Variants in GALNT9 observed in about 807,000 individuals in gnomAD.
The protein encoded by GALNT9 is GalNAc transferase 9.
A neutral mutation model predicts 63.1 loss-of-function variants in GALNT9; 47 were observed. That is an observed-to-expected ratio of 0.75 (90% CI 0.59 to 0.95). The LOEUF (loss-of-function observed/expected upper bound fraction) is 0.95, where lower values mean the gene tolerates loss of function less well. GALNT9 is among the 40% of genes least tolerant of loss of function. The pLI, the probability that GALNT9 is intolerant of heterozygous loss-of-function variation, is 0.00. For synonymous variants in GALNT9, 396 were observed against 365.7 expected, an observed-to-expected ratio of 1.08 and a Z score of -0.94; for missense variants, 829 against 874.8, an observed-to-expected ratio of 0.95 and a Z score of 0.66.
intron 4 of GALNT9, 52 bp downstream of exon 4, chr12:132,260,883 CTTAGGAGGGGGAT>C (rs1879350448): frequency 6.9e-7 from 1 of 1,453,540 alleles, no homozygotes; most frequent in Non-Finnish European, 9.0e-7. Flanking sequence ...CGCACGGCGG[CTTAGGAGGGGGAT>C]GGTGGAGGGG....
At chr12:132,283,749 A>ACC (rs56355321) in intron 2 of GALNT9, 3,662 of 134,566 alleles carry the variant, frequency 0.027, 97 homozygotes, top group African/African-American at 0.082. Flanking sequence ...AGTCCATGGG[A>ACC]CCCCCCCCCA....
At position 132,328,994 on chromosome 12, in the gene GALNT9, C is replaced by T. The variant is rs1555246718; in HGVS notation, c.210G>A (p.Leu70=). The T allele has an allele frequency of 6.5e-7, 1 of 1,540,808 alleles. No individual in the cohort carries two copies. The highest frequency in any genetic ancestry group is 2.5e-5 in the East Asian group (1 of 40,742). The change falls in exon 1 of 11, where the codon CTG becomes CTA. Residue 70 remains leucine, a synonymous_variant. Coordinates refer to ENST00000328957, the MANE Select transcript of GALNT9 (RefSeq NM_001122636.2). Reference sequence around the variant, plus strand: ...TGAGCTGGTTGTAGACCACCTCCTCCAGGTGGTCCAGGCGCTGCAGGATGG... The same window carrying T: ...TGAGCTGGTTGTAGACCACCTCCTCTAGGTGGTCCAGGCGCTGCAGGATGG... The part of the protein sequence containing the change: ...REAILQRLDH[L]EEVVYNQLNG...
At chr12:132,253,978 C>T (rs1879019965) in intron 5 of GALNT9, among the ~76,000 whole-genome samples, 1 of 151,978 alleles carries the variant, frequency 6.6e-6, no homozygotes, top group South Asian at 2.1e-4. Flanking sequence ...GGCCATGATT[C>T]CCTGACCCCT....
rs200827341 is a variant in GALNT9 at position 132,277,301 on chromosome 12, T to C, written c.419+8949A>G. 9.4e-4 allele frequency: 145 copies of C among 154,988 alleles called. 2 individuals are homozygous for C. The highest frequency in any genetic ancestry group is 1.7e-3 in the Non-Finnish European group (119 of 68,232). 9.6% of individuals were successfully genotyped at this position (154,988 alleles called of 1,614,324 possible). On this transcript the variant is annotated intron_variant, in intron 2 of 10. Coordinates refer to ENST00000328957, the MANE Select transcript of GALNT9 (RefSeq NM_001122636.2). The stretch of plus-strand genomic sequence containing the variant: ...ACAAGATGCAGCTTCCGTGGCTGCT[T>C]GCAGGGGATGGAAGACTCCCACAGA...
intron 5 of GALNT9, among the ~76,000 whole-genome samples, chr12:132,249,991 G>T (rs1228015526): frequency 1.3e-5 from 2 of 151,336 alleles, no homozygotes; most frequent in East Asian, 1.9e-4. Flanking sequence ...AGCTTCCGGG[G>T]CCTTAGTCCA....
intron 1 of GALNT9, among the ~76,000 whole-genome samples, chr12:132,323,173 GT>G (rs1397504776): frequency 1.3e-5 from 2 of 152,236 alleles, no homozygotes; most frequent in Non-Finnish European, 2.9e-5. Context: ...TTTTTGTCAA[GT>G]TTCCAGCCAA....
chr12:132,329,571 C>A lies in GALNT9; in HGVS notation c.-368G>T, dbSNP rs1315304031. On this transcript the variant is annotated 5_prime_UTR_variant, in exon 1 of 11. Coordinates refer to ENST00000328957, the MANE Select transcript of GALNT9 (RefSeq NM_001122636.2). ...CCTGTCCTGCCCGCCCCGCAGCCAC[C>A]GCGCCGGTGCAGAGTGACGCGGCCT... Among the ~76,000 whole-genome samples the A allele has an allele frequency of 2.0e-5, 3 of 147,438 alleles. No individual in the cohort carries two copies. The highest frequency in any genetic ancestry group is 3.0e-5 in the Non-Finnish European group (2 of 66,104).
At chr12:132,325,217 T>C (rs1868986177) in intron 1 of GALNT9, among the ~76,000 whole-genome samples, 2 of 152,240 alleles carry the variant, frequency 1.3e-5, no homozygotes, top group South Asian at 4.1e-4. Flanking sequence ...ACGGGTGCGC[T>C]GGAGACACAC....
rs1454452429 is a variant in GALNT9 at position 132,282,876 on chromosome 12, A to C, written c.419+3374T>G. ...GAGCCGGGACAGGACCTCAGGAGGCAAATGACGACCGTCTGTGACACGCAG... is the reference window on the plus strand; with the variant it reads ...GAGCCGGGACAGGACCTCAGGAGGCCAATGACGACCGTCTGTGACACGCAG... On this transcript the variant is annotated intron_variant, in intron 2 of 10. Coordinates refer to ENST00000328957, the MANE Select transcript of GALNT9 (RefSeq NM_001122636.2). The surrounding 1 kb of genome is among the most constrained non-coding windows in gnomAD (Gnocchi z 4.5). 6.6e-6 allele frequency: 1 copy of C among 152,328 alleles called. No homozygotes were observed. The highest frequency in any genetic ancestry group is 1.5e-5 in the Non-Finnish European group (1 of 68,184). The allele number at this position is 152,328 out of a possible 1,614,324, so 9.4% of individuals were successfully genotyped here. A position where few individuals can be genotyped will look rare whatever the true frequency, so the allele number is the denominator to read the frequency against.
intron 1 of GALNT9, among the ~76,000 whole-genome samples, chr12:132,292,460 C>G (rs966165842): frequency 6.6e-6 from 1 of 152,218 alleles, no homozygotes; most frequent in Non-Finnish European, 1.5e-5. Flanking sequence ...TCTGCTGGGC[C>G]GGACCCGAGT....
At chr12:132,211,195 C>A (rs187390592) in intron 6 of GALNT9, among the ~76,000 whole-genome samples, 65 of 152,232 alleles carry the variant, frequency 4.3e-4, no homozygotes, top group African/African-American at 8.9e-4. Flanking sequence ...GCAAGCCTCT[C>A]GACAACTTTT....
chr12:132,210,376 G>C (rs932337296), intron 6 of GALNT9, among the ~76,000 whole-genome samples: 1 of 152,236 alleles, frequency 6.6e-6, no homozygotes, highest in Non-Finnish European at 1.5e-5. Flanking sequence ...AAAGCAACAG[G>C]GCTCGTAGGG....
chr12:132,287,671 G>A (rs1480615305), intron 1 of GALNT9, among the ~76,000 whole-genome samples: 4 of 152,164 alleles, frequency 2.6e-5, no homozygotes, highest in African/African-American at 7.2e-5. Flanking sequence ...GGGCAGTGTC[G>A]ACTGGAAAGG....
chr12:132,294,853 C>T (rs920300140), intron 1 of GALNT9, among the ~76,000 whole-genome samples: 2 of 152,340 alleles, frequency 1.3e-5, no homozygotes, highest in Admixed American at 6.5e-5. Context: ...TTGCCGTGGG[C>T]GCCTCGCAGC....
In GALNT9 at chr12:132,311,399, C is replaced by T. The variant is rs151039092; in HGVS notation, c.238+17567G>A. ...TGAACTCGGCGTTAGAGGAGCAGCA[C>T]GGGCAGGGGCAGCAGGGGCAGGGGT... On this transcript the variant is annotated intron_variant, in intron 1 of 10. Transcript: ENST00000328957. Among the ~76,000 whole-genome samples the T allele has an allele frequency of 6.4e-3, 967 of 152,254 alleles. 5 individuals carry two copies. Among genetic ancestry groups the T allele is most frequent in the Middle Eastern group, 0.014 (4 of 294 alleles).
At chr12:132,206,640 C>G (rs928027645) in intron 6 of GALNT9, among the ~76,000 whole-genome samples, 6 of 112,728 alleles carry the variant, frequency 5.3e-5, no homozygotes, top group Non-Finnish European at 1.0e-4. Flanking sequence ...GAGCGAGACT[C>G]CGTCTCAAAA....
rs994788043 is a variant in GALNT9 at position 132,203,360 on chromosome 12, A to AC, written c.1263+144_1263+145insG. ...CTCACCCACTCACACCTGCACACACAACTGCTTGCACCTGTGCACACCTGT... is the reference window on the plus strand; with the variant it reads ...CTCACCCACTCACACCTGCACACACACACTGCTTGCACCTGTGCACACCTGT... On this transcript the variant is annotated intron_variant, in intron 7 of 10. Coordinates refer to ENST00000328957, the MANE Select transcript of GALNT9 (RefSeq NM_001122636.2). 3 of 673,476 alleles carry AC rather than the reference A, an allele frequency of 4.5e-6. No homozygotes were observed. The African/African-American group carries it at 5.6e-5, about 12-fold the overall frequency. 41.7% of individuals were successfully genotyped at this position (673,476 alleles called of 1,614,324 possible).
chr12:132,198,789 A>G (rs1435168366), intron 9 of GALNT9, among the ~76,000 whole-genome samples: 1 of 152,120 alleles, frequency 6.6e-6, no homozygotes, highest in African/African-American at 2.4e-5. Context: ...GCAGCTGGGA[A>G]TACGGGCATG....
At chr12:132,263,443 C>T (rs915775485) in intron 2 of GALNT9, among the ~76,000 whole-genome samples, 28 of 151,964 alleles carry the variant, frequency 1.8e-4, no homozygotes, top group African/African-American at 6.5e-4. Flanking sequence ...GCAGGAGCGG[C>T]TGCAGGTTGG....
Sources: gnomAD v4.1 joint callset for allele counts (sites outside exome capture counted in the v4.1 genomes callset) on GRCh38, gnomAD v4.1.1 for gene constraint, Gnocchi (gnomAD v3.1) non-coding constraint, MANE v1.5 for transcripts, NCBI Gene and HGNC (gene_info 2026-07-23, HGNC 2026-07-21) for gene names.